PLCG2: variants seen among roughly 807,000 people sequenced by gnomAD.
PLCG2 encodes the protein phospholipase C gamma 2.
Under a neutral mutation model 175.6 loss-of-function variants are expected in PLCG2, and 69 were observed. The ratio of observed to expected loss-of-function variants is 0.39; its 90% confidence interval spans 0.32 to 0.48. PLCG2 has a LOEUF of 0.48. Ranked by LOEUF, PLCG2 falls within the 20% of genes least tolerant of loss-of-function variation. The pLI is 0.91. For synonymous variants in PLCG2, 827 were observed against 624.0 expected (o/e 1.33, Z -4.85); for missense variants, 1,798 against 1,650.9 (o/e 1.09, Z -1.54).
chr16:81,770,181 C>A (rs1910246466), intron 2 of PLCG2, among the ~76,000 whole-genome samples: 1 of 152,108 alleles, frequency 6.6e-6, no homozygotes, highest in Non-Finnish European at 1.5e-5. Flanking sequence ...ACACACTGAA[C>A]ACACCCACGC....
upstream of PLCG2, among the ~76,000 whole-genome samples, chr16:81,778,016 C>CAAAAAAAAAAAAAAAAAAAAA (rs753644088): frequency 2.0e-5 from 1 of 49,076 alleles, no homozygotes; most frequent in Non-Finnish European, 3.5e-5. Flanking sequence ...GACTTTGTCT[C>CAAAAAAAAAAAAAAAAAAAAA]AAAAAAAAAA....
intron 2 of PLCG2, among the ~76,000 whole-genome samples, chr16:81,836,043 C>G (rs1905498545): frequency 6.6e-6 from 1 of 152,200 alleles, no homozygotes; most frequent in South Asian, 2.1e-4. Flanking sequence ...GACTGGACTT[C>G]TATGTATGTT....
chr16:81,938,061 C>T (rs149796811), intron 28 of PLCG2, among the ~76,000 whole-genome samples, 158 bp downstream of exon 28: 1 of 152,126 alleles, frequency 6.6e-6, no homozygotes, highest in South Asian at 2.1e-4. Context: ...TTCTTTCTTA[C>T]AGTACACTCC....
In PLCG2 at chr16:81,923,579, A is replaced by G. The variant is rs1910142500; in HGVS notation, c.2402A>G (p.Lys801Arg). The change falls in exon 22 of 33, where the codon AAG becomes AGG. Residue 801 changes from lysine to arginine, a missense_variant. Lys to Arg is a conservative substitution (Grantham distance 26). Coordinates refer to ENST00000564138, the MANE Select transcript of PLCG2 (RefSeq NM_002661.5). Reference sequence around the variant, plus strand: ...GGTGCCCTCATCCACAATGTCTCCAAGGAGCCCGGGGGCTGGTAAGGCTGA... The same window carrying G: ...GGTGCCCTCATCCACAATGTCTCCAGGGAGCCCGGGGGCTGGTAAGGCTGA... ...CRGALIHNVSKEPGGWWKGDY... is the reference protein window; with the variant it reads ...CRGALIHNVSREPGGWWKGDY... 2 of 1,610,986 alleles carry G rather than the reference A, an allele frequency of 1.2e-6. No homozygotes were observed. Among genetic ancestry groups the G allele is most frequent in the African/African-American group, 1.3e-5 (1 of 74,826 alleles).
intron 7 of PLCG2, among the ~76,000 whole-genome samples, chr16:81,878,020 C>T (rs1301040414): frequency 8.6e-6 from 1 of 116,772 alleles, no homozygotes; most frequent in Non-Finnish European, 1.6e-5. Context: ...CTCGCTCTGT[C>T]ACCCAGGCTG....
chr16:81,931,706 G>T, intron 25 of PLCG2, 52 bp downstream of exon 25: 1 of 1,561,888 alleles, frequency 6.4e-7, no homozygotes. Context: ...TGAGGGCTTT[G>T]GTGCTCAGTT....
chr16:81,789,851 C>A (rs532567900), intron 2 of PLCG2, among the ~76,000 whole-genome samples: 2 of 151,674 alleles, frequency 1.3e-5, no homozygotes, highest in Non-Finnish European at 2.9e-5. Flanking sequence ...TTTGCCCCCC[C>A]TCCATTGCCT....
intron 2 of PLCG2, among the ~76,000 whole-genome samples, chr16:81,758,350 G>C (rs376638572): frequency 6.6e-6 from 1 of 152,126 alleles, no homozygotes; most frequent in Admixed American, 6.6e-5. Context: ...TTTTATTGCT[G>C]AGTAATATTC....
intron 1 of PLCG2, chr16:81,740,661 G>T (rs1358956491): frequency 1.5e-5 from 2 of 130,668 alleles, no homozygotes; most frequent in Admixed American, 9.1e-5. Context: ...GGAGGCATAG[G>T]TTGCACTGAG....
At chr16:81,808,775 G>T (rs973842390) in intron 2 of PLCG2, among the ~76,000 whole-genome samples, 36 of 152,212 alleles carry the variant, frequency 2.4e-4, no homozygotes, top group Admixed American at 7.9e-4. Context: ...TTACAGGCGT[G>T]AGCCACCTCA....
upstream of PLCG2, among the ~76,000 whole-genome samples, chr16:81,778,054 ACAAAAAAAACC>A (rs1567457855): frequency 1.1e-5 from 1 of 90,370 alleles, no homozygotes; most frequent in African/African-American, 5.8e-5. Flanking sequence ...AAAAAAAAAA[ACAAAAAAAACC>A]AAAAACACAC....
At chr16:81,869,476 A>G (rs1428271215) in intron 6 of PLCG2, among the ~76,000 whole-genome samples, 178 bp downstream of exon 6, 1 of 152,188 alleles carries the variant, frequency 6.6e-6, no homozygotes, top group Non-Finnish European at 1.5e-5. Context: ...CATCGTCTCA[A>G]TCCTAGCAGA....
chr16:81,955,868 A>C (rs1241653963), intron 31 of PLCG2, among the ~76,000 whole-genome samples: 1 of 152,218 alleles, frequency 6.6e-6, no homozygotes, highest in Admixed American at 6.5e-5. Flanking sequence ...GATGTAATTT[A>C]TGATACCTTG....
chr16:81,872,752 G>C (rs7197689), intron 7 of PLCG2, among the ~76,000 whole-genome samples: 85,336 of 152,090 alleles, frequency 0.56, 24,382 homozygotes, highest in Middle Eastern at 0.63. Context: ...TGTGGTTTCT[G>C]CAGTTAGCTG....
chr16:81,872,182 G>T (rs1389462572), intron 7 of PLCG2, among the ~76,000 whole-genome samples: 1 of 152,110 alleles, frequency 6.6e-6, no homozygotes, highest in Non-Finnish European at 1.5e-5. Flanking sequence ...ACAAAAATTA[G>T]CCAGGCATGG....
At chr16:81,746,518 C>T (rs1909710788) in intron 1 of PLCG2, among the ~76,000 whole-genome samples, 1 of 152,180 alleles carries the variant, frequency 6.6e-6, no homozygotes, top group Non-Finnish European at 1.5e-5. Context: ...CCGCGGGGCT[C>T]TCACCCCAGC....
At chr16:81,874,421 A>ATT (rs1365565768) in intron 7 of PLCG2, among the ~76,000 whole-genome samples, 1 of 152,204 alleles carries the variant, frequency 6.6e-6, no homozygotes, top group Non-Finnish European at 1.5e-5. Context: ...TTAGTGACAG[A>ATT]TTTGAATAAC....
Position 81,786,098 on chromosome 16 carries a change from A to AC in PLCG2, c.114dup (p.Glu39ArgfsTer21). ...GACTGTGTTCAGCTTCCGCAAGTCC[A>AC]CCCCCGAGCGGAGAACCGTCCAGGT... is the stretch of plus-strand genomic sequence containing the variant. On this transcript the variant is annotated frameshift_variant, in exon 2 of 33. Coordinates refer to ENST00000564138, the MANE Select transcript of PLCG2 (RefSeq NM_002661.5). LOFTEE classifies it high-confidence loss of function. 1 of 1,614,072 alleles carries AC rather than the reference A, an allele frequency of 6.2e-7. No homozygotes were observed. The highest frequency in any genetic ancestry group is 8.5e-7 in the Non-Finnish European group (1 of 1,179,998).
chr16:81,866,751 C>T (rs1255713722), intron 5 of PLCG2, among the ~76,000 whole-genome samples: 1 of 152,050 alleles, frequency 6.6e-6, no homozygotes, highest in East Asian at 1.9e-4. Flanking sequence ...CTCTCCCTTG[C>T]TCCCAGGATG....
Sources: gnomAD v4.1 joint callset for allele counts (sites outside exome capture counted in the v4.1 genomes callset) on GRCh38, gnomAD v4.1.1 for gene constraint, MANE v1.5 for transcripts, NCBI Gene and HGNC (gene_info 2026-07-23, HGNC 2026-07-21) for gene names.